HNRNPUL2: variants seen among roughly 807,000 people sequenced by gnomAD.
HNRNPUL2 encodes heterogeneous nuclear ribonucleoprotein U-like protein 2.
HNRNPUL2 carries 27 observed loss-of-function variants against 102.2 expected under a neutral mutation model. The ratio of observed to expected loss-of-function variants is 0.26; its 90% CI spans 0.19 to 0.36. HNRNPUL2 has a LOEUF of 0.36. Ranked by LOEUF, HNRNPUL2 falls within the 10% of genes least tolerant of loss-of-function variation. HNRNPUL2 has a pLI of 1.00. For synonymous variants in HNRNPUL2, 458 were observed against 387.2 expected, an observed-to-expected ratio of 1.18 and a Z score of -2.15; for missense variants, 936 against 981.1, an observed-to-expected ratio of 0.95 and a Z score of 0.61.
chr11:62,715,963 C>T, intron 11 of HNRNPUL2, 26 bp from the exon 12 acceptor site: 2 of 1,558,754 alleles, frequency 1.3e-6, no homozygotes, highest in South Asian at 2.3e-5. Flanking sequence ...AGAGCGCGCT[C>T]AGACAGCTGG....
chr11:62,716,864 T>A (rs1001653816), intron 11 of HNRNPUL2, 125 bp downstream of exon 11: 1 of 845,530 alleles, frequency 1.2e-6, no homozygotes, highest in African/African-American at 1.7e-5. Context: ...ATAAGCTCCA[T>A]GAAGAAGGCA....
chr11:62,720,171 G>A lies in HNRNPUL2; in HGVS notation c.1632C>T (p.Gly544=). ...ILDQCNVYNS[G]QRRKLLLFKT... ...TGAACAGCAATAGCTTCCGCCGTTG[G>A]CCAGAATTGTACACATTACACTAAG... Residue 544 remains glycine (G), a synonymous_variant, in exon 10 of 14, where the codon GGC becomes GGT. Transcript: ENST00000301785. 6.2e-7 allele frequency: 1 copy of A among 1,613,906 alleles called. No individual in the cohort carries two copies. Among genetic ancestry groups the A allele is most frequent in the South Asian group, 1.1e-5 (1 of 91,076 alleles).
At chr11:62,722,011 G>C (rs759665902) in intron 7 of HNRNPUL2, 69 bp from the exon 8 acceptor site, 1 of 1,607,122 alleles carries the variant, frequency 6.2e-7, no homozygotes, top group African/African-American at 1.3e-5. Flanking sequence ...ACCAATTTAA[G>C]AACATCCTCC....
In HNRNPUL2 at chr11:62,727,422, T is replaced by G; in HGVS notation, c.-266A>C. ...AGCTGTTTCCCCTCCAGGCCCTTGG[T>G]TCCCCAGCCGCGGGCAGGCGCGCGC... On this transcript the variant is annotated 5_prime_UTR_variant, in exon 1 of 14. Coordinates refer to ENST00000301785, the MANE Select transcript of HNRNPUL2 (RefSeq NM_001079559.3). 4.7e-5 allele frequency: 15 copies of G among 321,010 alleles called. No individual in the cohort carries two copies. Among genetic ancestry groups the G allele is most frequent in the Non-Finnish European group, 5.9e-5 (11 of 186,862 alleles). The allele number at this position is 321,010 out of a possible 1,614,324, so 19.9% of individuals were successfully genotyped here. A position where few individuals can be genotyped will look rare whatever the true frequency, so the allele number is the denominator to read the frequency against.
intron 9 of HNRNPUL2, 52 bp downstream of exon 9, chr11:62,721,243 T>C: frequency 6.6e-7 from 1 of 1,514,782 alleles, no homozygotes. Flanking sequence ...ATTCAGTCTC[T>C]CTTTATATAC....
chr11:62,722,007 T>G (rs2083706534), intron 7 of HNRNPUL2, 65 bp from the exon 8 acceptor site: 1 of 1,608,244 alleles, frequency 6.2e-7, no homozygotes, highest in East Asian at 2.2e-5. Flanking sequence ...CAAAACCAAT[T>G]TAAGAACATC....
Position 62,726,973 on chromosome 11 carries a change from G to C in HNRNPUL2, c.184C>G (p.Arg62Gly). ...CCGCCGCCCGACGCGGCCACAGGCC[G>C]AGGCTCCGCCTTGCAGGCCCCGCCG... is the stretch of plus-strand genomic sequence containing the variant. ...GPGGACKAEP[R>G]PVAASGGGPG... The change falls in exon 1 of 14, where the codon CGG (arginine) becomes GGG (glycine). Residue 62 changes from arginine (R) to glycine (G), a missense_variant. By Grantham distance (125) the Arg-to-Gly change is moderately radical (BLOSUM62 -2). This residue lies in a region of HNRNPUL2 where 327 missense variants were observed against 268.1 expected (regional missense o/e 1.22). Transcript: ENST00000301785. 1 of 1,412,882 alleles carries C rather than the reference G, an allele frequency of 7.1e-7. No homozygotes were observed. The highest frequency in any genetic ancestry group is 1.5e-5 in the South Asian group (1 of 68,670). 87.5% of individuals were successfully genotyped at this position (1,412,882 alleles called of 1,614,324 possible).
At position 62,723,599 on chromosome 11, in the gene HNRNPUL2, G is replaced by A; in HGVS notation, c.879C>T (p.Cys293=). 3 of 1,608,166 alleles carry A rather than the reference G, an allele frequency of 1.9e-6. No homozygotes were observed. Among genetic ancestry groups the A allele is most frequent in the Non-Finnish European group, 2.5e-6 (3 of 1,176,922 alleles). ...CTTAATGAGCTACCTTTGCCTCAAA[G>A]CAGACTTTTCCCTTTGTCACTCCGT... ...STYGVTKGKV[C]FEAKVTQNLP... The change falls in exon 4 of 14, where the codon TGC becomes TGT. Residue 293 remains cysteine (C), a synonymous_variant. Transcript: ENST00000301785.
Position 62,727,269 on chromosome 11 carries a change from T to G in HNRNPUL2, c.-113A>C. On this transcript the variant is annotated 5_prime_UTR_variant, in exon 1 of 14. Transcript: ENST00000301785. ...CCGCCTCCGCCTCACGCGCCAGCAC[T>G]GAGCCCGCGCGAGCGAGCGCACGCA... 4.2e-6 allele frequency: 5 copies of G among 1,183,962 alleles called. No homozygotes were observed. Among genetic ancestry groups the G allele is most frequent in the Non-Finnish European group, 4.2e-6 (4 of 949,544 alleles). The allele number at this position is 1,183,962 out of a possible 1,614,324, so 73.3% of individuals were successfully genotyped here. A position where few individuals can be genotyped will look rare whatever the true frequency, so the allele number is the denominator to read the frequency against.
intron 11 of HNRNPUL2, among the ~76,000 whole-genome samples, chr11:62,716,387 G>C (rs1031622642): frequency 1.3e-5 from 2 of 152,258 alleles, no homozygotes; most frequent in African/African-American, 2.4e-5. Flanking sequence ...CTAGCACATA[G>C]CAGGCACTCG....
Position 62,717,192 on chromosome 11 carries a change from A to ATAAGAG in HNRNPUL2, c.1781-9_1781-4dup. 1 of 1,612,956 alleles carries ATAAGAG rather than the reference A, an allele frequency of 6.2e-7. No homozygotes were observed. Among genetic ancestry groups the ATAAGAG allele is most frequent in the Non-Finnish European group, 8.5e-7 (1 of 1,179,400 alleles). Reference sequence around the variant, plus strand: ...TTTTTCAGGCAAAGAGAAGTTGGCTATAAGAGTAAGAGAGAAGCTTGTGGG... The same window carrying ATAAGAG: ...TTTTTCAGGCAAAGAGAAGTTGGCTATAAGAGTAAGAGTAAGAGAGAAGCTTGTGGG... On this transcript the variant is annotated splice_region_variant and splice_polypyrimidine_tract_variant and intron_variant, in intron 10 of 13. Coordinates refer to ENST00000301785, the MANE Select transcript of HNRNPUL2 (RefSeq NM_001079559.3).
chr11:62,721,253 C>T, intron 9 of HNRNPUL2, 42 bp downstream of exon 9: 2 of 1,559,956 alleles, frequency 1.3e-6, no homozygotes, highest in Non-Finnish European at 1.7e-6. Flanking sequence ...TCTTTATATA[C>T]ACATCCCACC....
At chr11:62,719,727 T>C (rs1477520129) in intron 10 of HNRNPUL2, among the ~76,000 whole-genome samples, 3 of 152,184 alleles carry the variant, frequency 2.0e-5, no homozygotes, top group East Asian at 1.9e-4. Flanking sequence ...ATGAGCAGTA[T>C]TGAGAGGGTG....
At chr11:62,721,042 C>T (rs1431735316) in intron 9 of HNRNPUL2, among the ~76,000 whole-genome samples, 1 of 152,068 alleles carries the variant, frequency 6.6e-6, no homozygotes, top group East Asian at 1.9e-4. Context: ...GATCACAAAC[C>T]AGAATGTGGT....
Position 62,727,011 on chromosome 11 carries a change from C to CCGCCGCCGGCCTCGT in HNRNPUL2, c.131_145dup (p.Asp44_Gly48dup), listed in dbSNP as rs2083759102. The CCGCCGCCGGCCTCGT allele has an allele frequency of 1.5e-6, 2 of 1,365,626 alleles. No individual in the cohort carries two copies. The highest frequency in any genetic ancestry group is 6.3e-5 in the East Asian group (2 of 31,864). 84.6% of individuals were successfully genotyped at this position (1,365,626 alleles called of 1,614,324 possible). ...GCAGGCCCCGCCGGGCCCGGCCCCG[C>CCGCCGCCGGCCTCGT]CGCCGCCGGCCTCGTCCTCGAGCAT... On this transcript the variant is annotated inframe_insertion, in exon 1 of 14. Transcript: ENST00000301785.
chr11:62,720,196 G>A lies in HNRNPUL2; in HGVS notation c.1612-5C>T, dbSNP rs376747398. 1 of 1,611,916 alleles carries A rather than the reference G, an allele frequency of 6.2e-7. No individual in the cohort carries two copies. The highest frequency in any genetic ancestry group is 8.5e-7 in the Non-Finnish European group (1 of 1,178,270). ...GCCAGAATTGTACACATTACACTAA[G>A]AACAGGAGGAATAACTGATGTTTAG... On this transcript the variant is annotated splice_polypyrimidine_tract_variant and splice_region_variant and intron_variant, in intron 9 of 13. Transcript: ENST00000301785.
chr11:62,722,693 C>A lies in HNRNPUL2; in HGVS notation c.1003G>T (p.Gly335Cys). The A allele has an allele frequency of 6.2e-7, 1 of 1,614,038 alleles. No individual in the cohort carries two copies. The highest frequency in any genetic ancestry group is 8.5e-7 in the Non-Finnish European group (1 of 1,179,940). Residue 335 changes from glycine to cysteine, a missense_variant, in exon 6 of 14, where the codon GGT (glycine) becomes TGT (cysteine). Gly to Cys is a radical substitution (Grantham distance 159). Transcript: ENST00000301785. Reference protein sequence around the residue: ...PQLGEDEFSYGFDGRGLKAEN... With the variant: ...PQLGEDEFSYCFDGRGLKAEN... ...GCCTTGAGTCCTCGTCCATCGAAAC[C>A]GTAAGAGAATTCATCTTCACCTAGA...
intron 10 of HNRNPUL2, 69 bp from the exon 11 acceptor site, chr11:62,717,258 C>T: frequency 8.2e-7 from 1 of 1,213,806 alleles, no homozygotes; most frequent in South Asian, 1.3e-5. Flanking sequence ...ATTATGAAAA[C>T]TCTACAAGAA....
rs2083727016 is a variant in HNRNPUL2 at position 62,724,279 on chromosome 11, T to C, written c.674+12A>G. On this transcript the variant is annotated intron_variant, in intron 2 of 13. Transcript: ENST00000301785. ...AGACACTCCCTTCAACGAAAGGGAC[T>C]GTTTCCCTCACCGGCTGTGGTAAGC... The C allele has an allele frequency of 1.2e-6, 2 of 1,614,102 alleles. No homozygotes were observed. The highest frequency in any genetic ancestry group is 1.7e-5 in the Admixed American group (1 of 60,020).
Sources: allele counts gnomAD v4.1 joint callset (sites outside exome capture counted in the v4.1 genomes callset), GRCh38; gene constraint gnomAD v4.1.1; regional missense constraint gnomAD v4.1.1; transcripts MANE v1.5; gene names NCBI Gene and HGNC (gene_info 2026-07-23, HGNC 2026-07-21).